Variants in PCDH9 observed in about 807,000 individuals in gnomAD.
PCDH9 encodes the protein protocadherin-9.
PCDH9 carries 24 observed loss-of-function variants against 70.6 expected under a neutral mutation model. The observed-to-expected ratio is 0.34, with a 90% confidence interval of 0.25 to 0.48. The LOEUF is 0.48. PCDH9 is among the 20% of genes least tolerant of loss of function. The probability of loss-of-function intolerance (pLI) is 0.99; values close to 1 mark genes in which losing one functional copy is unlikely to be tolerated. For missense variants in PCDH9, 1,281 were observed against 1,503.6 expected (o/e 0.85, Z 2.45); for synonymous variants, 562 against 558.5 (o/e 1.01, Z -0.09).
chr13:66,303,304 A>G lies in PCDH9; in HGVS notation c.*1351T>C, dbSNP rs1955402593. The G allele has an allele frequency of 6.6e-6, 1 of 152,492 alleles. No homozygotes were observed. The highest frequency in any genetic ancestry group is 2.4e-5 in the African/African-American group (1 of 41,426). 9.4% of individuals were successfully genotyped at this position (152,492 alleles called of 1,614,324 possible). A position where few individuals can be genotyped will look rare whatever the true frequency, so the allele number is the denominator to read the frequency against. On this transcript the variant is annotated 3_prime_UTR_variant, in exon 5 of 5. Transcript: ENST00000377865. Reference sequence around the variant, plus strand: ...CACGTGCAACTGAGATCTTATTAACATTAGTTGTCACTTTATTGGTTTGAC... The same window carrying G: ...CACGTGCAACTGAGATCTTATTAACGTTAGTTGTCACTTTATTGGTTTGAC...
At chr13:67,223,941 T>G (rs1436810270) in intron 2 of PCDH9, 1 of 152,174 alleles carries the variant, frequency 6.6e-6, no homozygotes, top group Non-Finnish European at 1.5e-5. Flanking sequence ...TTGTCAAAAT[T>G]ACTCTTATAA....
intron 2 of PCDH9, among the ~76,000 whole-genome samples, chr13:67,072,203 G>T (rs78269810): frequency 0.013 from 1,961 of 152,100 alleles, 42 homozygotes; most frequent in African/African-American, 0.044. Context: ...GAAGCAAAAA[G>T]GTCACTCTCT....
Position 66,998,895 on chromosome 13 carries a change from T to C in PCDH9, c.3037-95290A>G, listed in dbSNP as rs578252710. On this transcript the variant is annotated intron_variant, in intron 2 of 4. Coordinates refer to ENST00000377865, the MANE Select transcript of PCDH9 (RefSeq NM_203487.3). ...AATGAAAGCGCCACAAAATGTCATA[T>C]TATTAAGGCTCAATTAAAAAAATTA... 3.9e-5 allele frequency among the ~76,000 whole-genome samples: 6 copies of C among 152,366 alleles called. No homozygotes were observed. The South Asian group carries it at 1.2e-3, about 32-fold the overall frequency.
intron 3 of PCDH9, among the ~76,000 whole-genome samples, chr13:66,847,067 C>G (rs2081224521): frequency 6.6e-6 from 1 of 152,138 alleles, no homozygotes; most frequent in East Asian, 1.9e-4. Context: ...AAAAATATGT[C>G]TAAATAACAC....
intron 2 of PCDH9, among the ~76,000 whole-genome samples, chr13:67,165,315 T>C (rs763044194): frequency 4.6e-5 from 7 of 152,166 alleles, no homozygotes; most frequent in Non-Finnish European, 7.4e-5. Context: ...GTTTATCTGA[T>C]TTTAAACATT....
chr13:66,481,916 A>C (rs2138510866), intron 4 of PCDH9, among the ~76,000 whole-genome samples: 1 of 151,576 alleles, frequency 6.6e-6, no homozygotes, highest in Admixed American at 6.6e-5. Context: ...ACTGAATAAA[A>C]ATCATAAGTC....
At chr13:67,108,881 C>G (rs764196729) in intron 2 of PCDH9, among the ~76,000 whole-genome samples, 2 of 152,018 alleles carry the variant, frequency 1.3e-5, no homozygotes, top group Non-Finnish European at 2.9e-5. Context: ...AATATGGGCC[C>G]ATAGAGCAAA....
chr13:66,362,779 A>G (rs1956492531), intron 4 of PCDH9, among the ~76,000 whole-genome samples: 1 of 152,182 alleles, frequency 6.6e-6, no homozygotes, highest in African/African-American at 2.4e-5. Context: ...CACAATGTGC[A>G]ATAAAAGGAT....
chr13:66,989,091 AT>A (rs1195221016), intron 2 of PCDH9, among the ~76,000 whole-genome samples: 1 of 151,902 alleles, frequency 6.6e-6, no homozygotes, highest in African/African-American at 2.4e-5. Context: ...AAGAGAAGGG[AT>A]TTTGGGGGCA....
intron 4 of PCDH9, among the ~76,000 whole-genome samples, chr13:66,441,487 A>G (rs945605235): frequency 1.3e-5 from 2 of 152,192 alleles, no homozygotes; most frequent in Non-Finnish European, 2.9e-5. Context: ...CAAGATAAGT[A>G]TTAAATAAAT....
At chr13:67,152,335 G>A (rs189032627) in intron 2 of PCDH9, among the ~76,000 whole-genome samples, 11 of 152,108 alleles carry the variant, frequency 7.2e-5, no homozygotes, top group South Asian at 4.1e-4. Context: ...TGTGCCTAAG[G>A]CCTCTCTGTA....
intron 3 of PCDH9, among the ~76,000 whole-genome samples, chr13:66,697,629 T>C (rs1324477170): frequency 2.0e-5 from 3 of 152,130 alleles, no homozygotes; most frequent in Non-Finnish European, 4.4e-5. Context: ...ATGTAAGATG[T>C]TTAACAGCAT....
At chr13:67,086,808 T>G (rs1251773172) in intron 2 of PCDH9, among the ~76,000 whole-genome samples, 1 of 152,126 alleles carries the variant, frequency 6.6e-6, no homozygotes, top group African/African-American at 2.4e-5. Flanking sequence ...ACATTAAAAC[T>G]GCAAATGATA....
At chr13:66,377,323 A>T (rs1956767244) in intron 4 of PCDH9, among the ~76,000 whole-genome samples, 1 of 152,068 alleles carries the variant, frequency 6.6e-6, no homozygotes, top group Non-Finnish European at 1.5e-5. Context: ...CCCCGCCCTG[A>T]GTTTCTGATT....
chr13:67,089,639 T>C (rs2086177263), intron 2 of PCDH9, among the ~76,000 whole-genome samples: 1 of 152,058 alleles, frequency 6.6e-6, no homozygotes, highest in Admixed American at 6.6e-5. Context: ...TCCAGAAATG[T>C]AAGTATTTAG....
chr13:66,419,891 C>T (rs982213009), intron 4 of PCDH9, among the ~76,000 whole-genome samples: 2 of 152,054 alleles, frequency 1.3e-5, no homozygotes, highest in Admixed American at 1.3e-4. Context: ...GATCCCACCC[C>T]CTATGGAACC....
intron 2 of PCDH9, among the ~76,000 whole-genome samples, chr13:66,986,856 A>C (rs2139787580): frequency 6.6e-6 from 1 of 152,112 alleles, no homozygotes; most frequent in South Asian, 2.1e-4. Context: ...CAACTGAATA[A>C]AATGGAAAAA....
intron 2 of PCDH9, among the ~76,000 whole-genome samples, chr13:66,921,963 A>G (rs2082643260): frequency 6.6e-6 from 1 of 151,392 alleles, no homozygotes; most frequent in Admixed American, 6.6e-5. Context: ...TTTAAGGTCA[A>G]TATCACTGCT....
At chr13:66,997,981 T>G (rs2084157070) in intron 2 of PCDH9, among the ~76,000 whole-genome samples, 2 of 152,206 alleles carry the variant, frequency 1.3e-5, no homozygotes, top group Non-Finnish European at 2.9e-5. Context: ...TTTGTTTGTT[T>G]GTTTAATTCT....
Sources: allele counts gnomAD v4.1 joint callset (sites outside exome capture counted in the v4.1 genomes callset), GRCh38; gene constraint gnomAD v4.1.1; transcripts MANE v1.5; gene names NCBI Gene and HGNC (gene_info 2026-07-23, HGNC 2026-07-21).